Variants in AP1G1 observed in about 807,000 individuals in gnomAD.
AP1G1 encodes adaptor related protein complex 1 subunit gamma 1.
A neutral mutation model predicts 108.3 loss-of-function variants in AP1G1; 7 were observed. That is an observed-to-expected ratio of 0.06 (90% confidence interval 0.04 to 0.12). The LOEUF is 0.12. AP1G1 is among the 10% of genes least tolerant of loss of function. The pLI is 1.00. For synonymous variants in AP1G1, 379 were observed against 353.5 expected, an observed-to-expected ratio of 1.07 and a Z score of -0.81; for missense variants, 756 against 1,010.7, an observed-to-expected ratio of 0.75 and a Z score of 3.42.
chr16:71,764,628 T>C lies in AP1G1; in HGVS notation c.819+18A>G, dbSNP rs112839365. The C allele has an allele frequency of 3.9e-4, 587 of 1,523,376 alleles. 5 individuals carry two copies. In the African/African-American group the frequency reaches 7.1e-3, roughly 18 times the overall value. The allele number at this position is 1,523,376 out of a possible 1,614,324, so 94.4% of individuals were successfully genotyped here. ...GAAACTAAAATAAATATATATTTAA[T>C]ATGTTTGGTCTACTCACCTGTGCTA... On this transcript the variant is annotated intron_variant, in intron 8 of 22. Coordinates refer to ENST00000299980, the MANE Select transcript of AP1G1 (RefSeq NM_001128.6).
chr16:71,766,599 C>A (rs531295576), intron 6 of AP1G1, among the ~76,000 whole-genome samples: 1 of 152,262 alleles, frequency 6.6e-6, no homozygotes, highest in African/African-American at 2.4e-5. Context: ...CATTCCATCT[C>A]TTTTGCAGGC....
At chr16:71,801,829 G>A (rs1041123730) in intron 1 of AP1G1, among the ~76,000 whole-genome samples, 1 of 151,770 alleles carries the variant, frequency 6.6e-6, no homozygotes, top group Non-Finnish European at 1.5e-5. Flanking sequence ...GACTGAGGCA[G>A]GAGAATGGCA....
At position 71,734,719 on chromosome 16, in the gene AP1G1, C is replaced by T. The variant is rs745725500; in HGVS notation, c.2269-12G>A. On this transcript the variant is annotated splice_polypyrimidine_tract_variant and intron_variant, in intron 21 of 22. Coordinates refer to ENST00000299980, the MANE Select transcript of AP1G1 (RefSeq NM_001128.6). ...TGCAGCTGGAATGTCTAGGGGGGAA[C>T]AAAGGGCACTCTTCAGAAAAAGAAT... The T allele has an allele frequency of 6.2e-7, 1 of 1,602,474 alleles. No homozygotes were observed. The highest frequency in any genetic ancestry group is 1.1e-5 in the South Asian group (1 of 90,842).
Position 71,753,881 on chromosome 16 carries a change from T to C in AP1G1, c.1236A>G (p.Ala412=), listed in dbSNP as rs764372513. Reference sequence around the variant, plus strand: ...TGTCTATATGCCATCGTTTGGAAGGTGCATACCTGAAAAAAACAATGGAAA... The same window carrying C: ...TGTCTATATGCCATCGTTTGGAAGGCGCATACCTGAAAAAAACAATGGAAA... The part of the protein sequence containing the change: ...SGIFLAAEKY[A]PSKRWHIDTI... The change falls in exon 13 of 23, where the codon GCA becomes GCG. Residue 412 remains alanine (A), a synonymous_variant. Transcript: ENST00000299980. 30 of 1,613,770 alleles carry C rather than the reference T, an allele frequency of 1.9e-5. No individual in the cohort carries two copies. In the Admixed American group the frequency reaches 3.7e-4, roughly 20 times the overall value.
chr16:71,793,491 A>T (rs1351385698), intron 1 of AP1G1, among the ~76,000 whole-genome samples: 1 of 152,162 alleles, frequency 6.6e-6, no homozygotes, highest in Non-Finnish European at 1.5e-5. Flanking sequence ...TAAAAATGTC[A>T]CCCAACACCA....
At chr16:71,761,958 G>A (rs1246606801) in intron 9 of AP1G1, among the ~76,000 whole-genome samples, 1 of 151,886 alleles carries the variant, frequency 6.6e-6, no homozygotes, top group Non-Finnish European at 1.5e-5. Flanking sequence ...AGCCTCTTTA[G>A]AGGGAAATCT....
intron 19 of AP1G1, among the ~76,000 whole-genome samples, chr16:71,740,644 C>CA (rs1053253604): frequency 7.9e-5 from 12 of 151,870 alleles, no homozygotes; most frequent in South Asian, 4.2e-4. Flanking sequence ...CAATGTTTAG[C>CA]AAAAAAAGGT....
rs776981343 is a variant in AP1G1, at chr16:71,773,323, T to C, written c.366A>G (p.Ala122=). 6.3e-7 allele frequency: 1 copy of C among 1,583,908 alleles called. No homozygotes were observed. The highest frequency in any genetic ancestry group is 1.2e-5 in the South Asian group (1 of 85,554). Reference sequence around the variant, plus strand: ...AGCCCATGCAGCCGAGGGTACAAAGTGCTAACCCCTGTACGAATTGCGTGC... The same window carrying C: ...AGCCCATGCAGCCGAGGGTACAAAGCGCTAACCCCTGTACGAATTGCGTGC... The part of the protein sequence containing the change: ...NHSTQFVQGL[A]LCTLGCMGSS... The change falls in exon 4 of 23, where the codon GCA becomes GCG. Residue 122 remains alanine, a synonymous_variant. Transcript: ENST00000299980.
chr16:71,750,343 A>G lies in AP1G1; in HGVS notation c.1285-11T>C. 6.2e-7 allele frequency: 1 copy of G among 1,613,614 alleles called. No individual in the cohort carries two copies. The highest frequency in any genetic ancestry group is 8.5e-7 in the Non-Finnish European group (1 of 1,179,882). On this transcript the variant is annotated splice_polypyrimidine_tract_variant and intron_variant, in intron 13 of 22. Transcript: ENST00000299980. ...AACATAACTTCCTGCCTAAAAGGAA[A>G]TGCAGACAATTACCCCTAGAAACAC...
chr16:71,780,648 TAG>T (rs767943102), intron 2 of AP1G1, among the ~76,000 whole-genome samples: 4 of 152,118 alleles, frequency 2.6e-5, no homozygotes, highest in Non-Finnish European at 5.9e-5. Context: ...TTTTTTTGTT[TAG>T]AGACAGGTCT....
At position 71,773,358 on chromosome 16, in the gene AP1G1, G is replaced by C. The variant is rs755939297; in HGVS notation, c.331C>G (p.Leu111Val). The C allele has an allele frequency of 4.5e-5, 69 of 1,516,532 alleles. No homozygotes were observed. Among genetic ancestry groups the C allele is most frequent in the Admixed American group, 7.4e-5 (3 of 40,770 alleles). The allele number at this position is 1,516,532 out of a possible 1,614,324, so 93.9% of individuals were successfully genotyped here. The change falls in exon 4 of 23, where the codon CTT becomes GTT. Residue 111 changes from leucine (L) to valine (V), a missense_variant. By Grantham distance (32) the Leu-to-Val change is conservative. Coordinates refer to ENST00000299980, the MANE Select transcript of AP1G1 (RefSeq NM_001128.6). Reference sequence around the variant, plus strand: ...TGTACGAATTGCGTGCTATGATTAAGATCACTGCAAAAGAAAAGAGGAAGG... The same window carrying C: ...TGTACGAATTGCGTGCTATGATTAACATCACTGCAAAAGAAAAGAGGAAGG... Reference protein sequence around the residue: ...LLMTNCIKNDLNHSTQFVQGL... With the variant: ...LLMTNCIKNDVNHSTQFVQGL...
chr16:71,779,577 G>C (rs2031924964), intron 2 of AP1G1, among the ~76,000 whole-genome samples: 1 of 152,236 alleles, frequency 6.6e-6, no homozygotes, highest in Admixed American at 6.5e-5. Context: ...CTGGCTTCAA[G>C]TGATCTGCCC....
At chr16:71,750,430 T>C in intron 13 of AP1G1, 98 bp from the exon 14 acceptor site, 11 of 1,475,100 alleles carry the variant, frequency 7.5e-6, no homozygotes, top group Non-Finnish European at 1.0e-5. Context: ...CCTTTCTTTT[T>C]TTGAGACAGA....
At chr16:71,760,659 C>T (rs543662171) in intron 10 of AP1G1, among the ~76,000 whole-genome samples, 2 of 152,216 alleles carry the variant, frequency 1.3e-5, no homozygotes, top group East Asian at 3.9e-4. Flanking sequence ...ATCCTCCCAC[C>T]TCAGCCTCCT....
chr16:71,786,624 C>G (rs751638410), intron 2 of AP1G1, among the ~76,000 whole-genome samples: 2 of 152,126 alleles, frequency 1.3e-5, no homozygotes, highest in African/African-American at 4.8e-5. Flanking sequence ...CCATGCCCAG[C>G]TAATTTTTGT....
chr16:71,736,272 T>C (rs966722392), intron 21 of AP1G1, among the ~76,000 whole-genome samples: 4 of 149,858 alleles, frequency 2.7e-5, no homozygotes, highest in African/African-American at 4.9e-5. Flanking sequence ...ACCACTGAGA[T>C]AGAAAACATG....
At position 71,765,732 on chromosome 16, in the gene AP1G1, G is replaced by C. The variant is rs140062068; in HGVS notation, c.643-148C>G. 156 of 625,860 alleles carry C rather than the reference G, an allele frequency of 2.5e-4. 1 individual carries two copies. In the East Asian group the frequency reaches 4.5e-3, roughly 18 times the overall value. 38.8% of individuals were successfully genotyped at this position (625,860 alleles called of 1,614,324 possible). On this transcript the variant is annotated intron_variant, in intron 6 of 22. Coordinates refer to ENST00000299980, the MANE Select transcript of AP1G1 (RefSeq NM_001128.6). Reference sequence around the variant, plus strand: ...ATATACTAGTGTATTGTAGATGTTTGATAAACTTAGGAGTAACTTAGGGCA... The same window carrying C: ...ATATACTAGTGTATTGTAGATGTTTCATAAACTTAGGAGTAACTTAGGGCA...
chr16:71,787,232 T>C (rs1254857452), intron 2 of AP1G1, among the ~76,000 whole-genome samples: 1 of 147,772 alleles, frequency 6.8e-6, no homozygotes, highest in Admixed American at 6.9e-5. Flanking sequence ...GGCAGAAGAA[T>C]CTTTTGAACC....
intron 1 of AP1G1, among the ~76,000 whole-genome samples, chr16:71,789,990 A>G (rs113746141): frequency 2.0e-5 from 3 of 152,312 alleles, no homozygotes; most frequent in African/African-American, 7.2e-5. Context: ...CACATTCAAC[A>G]AACTGTAACC....
Sources: allele counts gnomAD v4.1 joint callset (sites outside exome capture counted in the v4.1 genomes callset), GRCh38; gene constraint gnomAD v4.1.1; transcripts MANE v1.5; gene names NCBI Gene and HGNC (gene_info 2026-07-23, HGNC 2026-07-21).